The following TRPC3 variants were observed in gnomAD, a reference collection of about 807,000 sequenced individuals.
The protein encoded by TRPC3 is transient receptor potential cation channel subfamily C member 3.
In TRPC3, 54 loss-of-function variants were observed where a neutral mutation model predicts 90.9. That is an observed-to-expected ratio of 0.59 (90% CI 0.48 to 0.75). TRPC3 has a LOEUF of 0.75. TRPC3 is among the 30% of genes least tolerant of loss of function. The pLI is 0.00. For synonymous variants in TRPC3, 424 were observed against 450.9 expected (o/e 0.94, Z 0.75); for missense variants, 918 against 1,194.5 (o/e 0.77, Z 3.41).
At chr4:121,896,102 T>G (rs1279114604) in intron 10 of TRPC3, among the ~76,000 whole-genome samples, 2 of 152,088 alleles carry the variant, frequency 1.3e-5, no homozygotes, top group Non-Finnish European at 2.9e-5. Context: ...TGATAAAAGC[T>G]TTTCATAAAA....
chr4:121,950,291 C>G (rs377752061), intron 1 of TRPC3, among the ~76,000 whole-genome samples: 36 of 152,332 alleles, frequency 2.4e-4, no homozygotes, highest in African/African-American at 8.4e-4. Context: ...AGCGCGCGAT[C>G]CTGGGGATGC....
chr4:121,879,871 T>A lies in TRPC3; in HGVS notation c.2631A>T (p.Leu877Phe). 6.3e-7 allele frequency: 1 copy of A among 1,589,130 alleles called. No individual in the cohort carries two copies. The highest frequency in any genetic ancestry group is 1.2e-5 in the South Asian group (1 of 85,148). ...TGGAGATATCTTGCTTGATTTCTTT[T>A]AATTCACCTATAGTATTGATATTAA... ...KENDEVNEGE[L>F]KEIKQDISSL... Residue 877 changes from leucine (L) to phenylalanine (F), a missense_variant, in exon 12 of 12, where the codon TTA becomes TTT. Around this residue, in one of 4 missense-constraint regions of TRPC3, gnomAD observed 41 missense variants for 69.4 expected, o/e 0.59. Coordinates refer to ENST00000379645, the MANE Select transcript of TRPC3 (RefSeq NM_001130698.2).
In TRPC3 at chr4:121,924,781, C is replaced by T. The variant is rs578210596; in HGVS notation, c.1176+237G>A. ...TCTTGAACGCCTGGCCTCAAGTGAT[C>T]CTCCTGCTTCAGCCTCCCAAAGCGC... On this transcript the variant is annotated intron_variant, in intron 3 of 11. Transcript: ENST00000379645. Among the ~76,000 whole-genome samples, 3 of 152,258 alleles carry T rather than the reference C, an allele frequency of 2.0e-5. No homozygotes were observed. In the South Asian group the frequency reaches 6.2e-4, roughly 32 times the overall value.
intron 10 of TRPC3, among the ~76,000 whole-genome samples, chr4:121,883,242 T>TA: frequency 6.6e-6 from 1 of 152,108 alleles, no homozygotes; most frequent in East Asian, 1.9e-4. Flanking sequence ...CCTGTATTTT[T>TA]AAAAAAACAA....
intron 3 of TRPC3, among the ~76,000 whole-genome samples, chr4:121,921,194 C>G (rs1481077944): frequency 2.6e-5 from 4 of 152,138 alleles, no homozygotes; most frequent in Non-Finnish European, 4.4e-5. Context: ...GACTCAGAAC[C>G]AGAGCTGGGA....
chr4:121,932,286 T>A lies in TRPC3; in HGVS notation c.972A>T (p.Ile324=). 1 of 1,613,856 alleles carries A rather than the reference T, an allele frequency of 6.2e-7. No homozygotes were observed. Among genetic ancestry groups the A allele is most frequent in the Non-Finnish European group, 8.5e-7 (1 of 1,179,816 alleles). Residue 324 remains isoleucine, a synonymous_variant, in exon 2 of 12, where the codon ATA becomes ATT. Coordinates refer to ENST00000379645, the MANE Select transcript of TRPC3 (RefSeq NM_001130698.2). The surrounding 1 kb of genome is among the most constrained non-coding windows in gnomAD (Gnocchi z 7.7). ...LSNELAKLAN[I]EKEFKNDYRK... ...CAAAGCTTACCTTGAACTCCTTCTC[T>A]ATGTTGGCCAGCTTGGCCAGCTCGT...
chr4:121,918,495 A>T (rs1400968966), intron 3 of TRPC3, among the ~76,000 whole-genome samples: 2 of 152,224 alleles, frequency 1.3e-5, no homozygotes, highest in Non-Finnish European at 2.9e-5. Flanking sequence ...AGCTTCAAAG[A>T]CTTGATGGAC....
At position 121,951,618 on chromosome 4, in the gene TRPC3, C is replaced by T. The variant is rs1403682245; in HGVS notation, c.63G>A (p.Glu21=). 4.2e-6 allele frequency: 6 copies of T among 1,436,938 alleles called. No individual in the cohort carries two copies. The highest frequency in any genetic ancestry group is 5.5e-6 in the Non-Finnish European group (6 of 1,087,272). 89.0% of individuals were successfully genotyped at this position (1,436,938 alleles called of 1,614,324 possible). A position where few individuals can be genotyped will look rare whatever the true frequency, so the allele number is the denominator to read the frequency against. Residue 21 remains glutamate, a synonymous_variant, in exon 1 of 12, where the codon GAG becomes GAA. Coordinates refer to ENST00000379645, the MANE Select transcript of TRPC3 (RefSeq NM_001130698.2). This position sits in a 1 kb window ranked among gnomAD's most constrained non-coding sequence, Gnocchi z 4.4. ...CCTCGTCCTCGCCCTCGTCTTCCTCCTCCTCCGGCGCCGGGAAGGTCACCC... is the reference window on the plus strand; with the variant it reads ...CCTCGTCCTCGCCCTCGTCTTCCTCTTCCTCCGGCGCCGGGAAGGTCACCC... ...QARVTFPAPE[E]EEDEGEDEGA...
In TRPC3 at chr4:121,945,585, T is replaced by A. The variant is rs550704052; in HGVS notation, c.215+5881A>T. Among the ~76,000 whole-genome samples, 6 of 152,182 alleles carry A rather than the reference T, an allele frequency of 3.9e-5. No individual in the cohort carries two copies. In the South Asian group the frequency reaches 1.2e-3, roughly 32 times the overall value. On this transcript the variant is annotated intron_variant, in intron 1 of 11. Coordinates refer to ENST00000379645, the MANE Select transcript of TRPC3 (RefSeq NM_001130698.2). The stretch of plus-strand genomic sequence containing the variant: ...GCCCAGAAATTGAAAGCAAAAAAAA[T>A]TCCAGAAAGTAGAGATAAGGCTGGA...
chr4:121,933,347 C>T (rs1304225119), intron 1 of TRPC3: 2 of 274,090 alleles, frequency 7.3e-6, no homozygotes, highest in Non-Finnish European at 1.3e-5. Context: ...TCCTTGTGAC[C>T]CTAGTAAAGA....
intron 1 of TRPC3, among the ~76,000 whole-genome samples, chr4:121,935,446 G>A (rs1204981091): frequency 7.2e-6 from 1 of 139,850 alleles, no homozygotes; most frequent in Non-Finnish European, 1.6e-5. Context: ...GTGTGTGTGT[G>A]TGTTGGTATA....
intron 1 of TRPC3, among the ~76,000 whole-genome samples, chr4:121,943,127 G>A (rs1161093986): frequency 2.0e-5 from 3 of 152,104 alleles, no homozygotes; most frequent in Non-Finnish European, 1.5e-5. Flanking sequence ...GGAGGGATGG[G>A]TGCCCAGATG....
chr4:121,950,541 T>G (rs1013219887), intron 1 of TRPC3: 1 of 152,300 alleles, frequency 6.6e-6, no homozygotes, highest in Non-Finnish European at 1.5e-5. Context: ...CATCTCACCC[T>G]GTGAAACCGA....
In TRPC3 at chr4:121,899,993, A is replaced by G. The variant is rs188671403; in HGVS notation, c.2464-298T>C. On this transcript the variant is annotated intron_variant, in intron 9 of 11. Transcript: ENST00000379645. ...ATAATTTTCCCTGGGGACCTTGTAT[A>G]CTTTATCAAAATGTACTCAAGGCAT... 3.2e-4 allele frequency among the ~76,000 whole-genome samples: 48 copies of G among 152,284 alleles called. No individual in the cohort carries two copies. In the South Asian group the frequency reaches 4.4e-3, roughly 14 times the overall value.
intron 2 of TRPC3, among the ~76,000 whole-genome samples, chr4:121,929,641 AT>A (rs1729829344): frequency 1.3e-5 from 2 of 152,258 alleles, no homozygotes; most frequent in Admixed American, 6.5e-5. Flanking sequence ...GTATCCTAGA[AT>A]ATTTGACCTC....
At chr4:121,885,201 A>G (rs1454924902) in intron 10 of TRPC3, among the ~76,000 whole-genome samples, 4 of 152,206 alleles carry the variant, frequency 2.6e-5, no homozygotes, top group African/African-American at 9.7e-5. Context: ...TTGGAAAGAT[A>G]GTTCATGAGA....
chr4:121,889,652 A>G (rs1416239981), intron 10 of TRPC3, among the ~76,000 whole-genome samples: 1 of 152,226 alleles, frequency 6.6e-6, no homozygotes, highest in African/African-American at 2.4e-5. Flanking sequence ...GCCATTACAG[A>G]AAACAGTATG....
intron 10 of TRPC3, among the ~76,000 whole-genome samples, chr4:121,885,923 C>T (rs1728099578): frequency 6.6e-6 from 1 of 152,116 alleles, no homozygotes; most frequent in Non-Finnish European, 1.5e-5. Flanking sequence ...TTAAGGAAGA[C>T]ATTCTAACTC....
At chr4:121,892,383 A>G (rs1728360975) in intron 10 of TRPC3, among the ~76,000 whole-genome samples, 1 of 152,206 alleles carries the variant, frequency 6.6e-6, no homozygotes, top group Non-Finnish European at 1.5e-5. Flanking sequence ...AATTTCTTAT[A>G]GGAAGGAACT....
Sources: allele counts gnomAD v4.1 joint callset (sites outside exome capture counted in the v4.1 genomes callset), GRCh38; gene constraint gnomAD v4.1.1; regional missense constraint gnomAD v4.1.1; non-coding constraint Gnocchi (gnomAD v3.1); transcripts MANE v1.5; gene names NCBI Gene and HGNC (gene_info 2026-07-23, HGNC 2026-07-21).